HS3ST5: variants seen among roughly 807,000 people sequenced by gnomAD.
The protein encoded by HS3ST5 is heparan sulfate glucosamine 3-O-sulfotransferase 5.
In HS3ST5, 10 loss-of-function variants were observed where a neutral mutation model predicts 25.4. That is an observed-to-expected ratio of 0.39 (90% CI 0.24 to 0.67). HS3ST5 has a LOEUF of 0.67. Ranked by LOEUF, HS3ST5 falls within the 30% of genes least tolerant of loss-of-function variation. HS3ST5 has a pLI of 0.44. For missense variants in HS3ST5, 324 were observed against 420.7 expected (o/e 0.77, Z 2.01); for synonymous variants, 170 against 162.4 (o/e 1.05, Z -0.36).
intron 1 of HS3ST5, among the ~76,000 whole-genome samples, chr6:114,254,614 GTTTAATGGACTCAA>G (rs1173084580): frequency 2.6e-5 from 4 of 152,140 alleles, no homozygotes; most frequent in Non-Finnish European, 5.9e-5. Context: ...AGAAAAAGAG[GTTTAATGGACTCAA>G]TTTAATGGAC....
rs76510876 is a variant in HS3ST5 at position 114,188,087 on chromosome 6, C to T, written c.-144-19625G>A. Among the ~76,000 whole-genome samples, 529 of 152,258 alleles carry T rather than the reference C, an allele frequency of 3.5e-3. 2 individuals carry two copies. The highest frequency in any genetic ancestry group is 0.012 in the African/African-American group (506 of 41,540). On this transcript the variant is annotated intron_variant, in intron 2 of 4. Transcript: ENST00000312719. The stretch of plus-strand genomic sequence containing the variant: ...AAAAAATTCATGTGACTCACTTTAT[C>T]ATGGTGGTCTGCAACAGAACCTGCA...
intron 2 of HS3ST5, among the ~76,000 whole-genome samples, chr6:114,217,057 T>C (rs560149612): frequency 6.6e-6 from 1 of 152,308 alleles, no homozygotes; most frequent in South Asian, 2.1e-4. Context: ...ATGAACCGAA[T>C]CTCCTGCTTC....
chr6:114,063,243 G>A (rs1330415415), intron 3 of HS3ST5, among the ~76,000 whole-genome samples: 2 of 152,112 alleles, frequency 1.3e-5, no homozygotes, highest in South Asian at 2.1e-4. Flanking sequence ...GGCCGGGTAC[G>A]GTGGCTCAAG....
intron 3 of HS3ST5, among the ~76,000 whole-genome samples, chr6:114,130,432 T>A (rs954578653): frequency 6.6e-6 from 1 of 152,182 alleles, no homozygotes; most frequent in Admixed American, 6.5e-5. Context: ...ACCTATGCAA[T>A]TGCTAGTTTA....
intron 3 of HS3ST5, among the ~76,000 whole-genome samples, chr6:114,080,127 A>G (rs773344198): frequency 3.2e-4 from 48 of 152,172 alleles, no homozygotes; most frequent in Admixed American, 5.9e-4. Context: ...TTACTCCTTG[A>G]TCCATGTACT....
At chr6:114,320,893 G>A (rs867533827) in intron 1 of HS3ST5, among the ~76,000 whole-genome samples, 2 of 140,494 alleles carry the variant, frequency 1.4e-5, no homozygotes, top group African/African-American at 2.6e-5. Context: ...CATAGGAAGT[G>A]CTCTCTCTCT....
chr6:114,167,812 C>A (rs929110821), intron 3 of HS3ST5: 1 of 152,080 alleles, frequency 6.6e-6, no homozygotes, highest in Non-Finnish European at 1.5e-5. Context: ...AGGAGGTATA[C>A]AACAAGTTCT....
In HS3ST5 at chr6:114,242,218, T is replaced by C. The variant is rs181097508; in HGVS notation, c.-338-13440A>G. On this transcript the variant is annotated intron_variant, in intron 1 of 4. Transcript: ENST00000312719. Reference sequence around the variant, plus strand: ...TAATGTAAAGTCTGATTAATGACTTTTATATTGATTACATATTGAAATAAT... The same window carrying C: ...TAATGTAAAGTCTGATTAATGACTTCTATATTGATTACATATTGAAATAAT... 1.4e-3 allele frequency among the ~76,000 whole-genome samples: 209 copies of C among 152,324 alleles called. 3 individuals are homozygous for C. The highest frequency in any genetic ancestry group is 0.013 in the Admixed American group (194 of 15,304).
chr6:114,313,996 G>A (rs1775648165), intron 1 of HS3ST5, among the ~76,000 whole-genome samples: 1 of 152,160 alleles, frequency 6.6e-6, no homozygotes, highest in South Asian at 2.1e-4. Context: ...TGCAATGTCA[G>A]CTCACTGCAG....
intron 2 of HS3ST5, among the ~76,000 whole-genome samples, chr6:114,218,429 T>C (rs1490418550): frequency 6.6e-6 from 1 of 152,172 alleles, no homozygotes; most frequent in Non-Finnish European, 1.5e-5. Context: ...ATGACAAAGG[T>C]CTTTGATATT....
intron 1 of HS3ST5, among the ~76,000 whole-genome samples, chr6:114,320,979 G>C (rs1775949085): frequency 6.6e-6 from 1 of 150,598 alleles, no homozygotes; most frequent in South Asian, 2.1e-4. Flanking sequence ...GCCAAGGCTA[G>C]TCTCGAACTC....
chr6:114,179,788 T>C (rs4945514), intron 2 of HS3ST5, among the ~76,000 whole-genome samples: 35,136 of 151,328 alleles, frequency 0.23, 4,125 homozygotes, highest in East Asian at 0.25. Flanking sequence ...AGGAAGCCAG[T>C]AGTGGCTCAG....
At chr6:114,205,330 T>C (rs576144882) in intron 2 of HS3ST5, among the ~76,000 whole-genome samples, 8 of 152,130 alleles carry the variant, frequency 5.3e-5, no homozygotes, top group Admixed American at 2.0e-4. Flanking sequence ...AACACTACAC[T>C]GTACTTACAA....
rs537896729 is a variant in HS3ST5, at chr6:114,058,011, A to T, written c.287T>A (p.Ile96Asn). 1.2e-6 allele frequency: 2 copies of T among 1,614,158 alleles called. No individual in the cohort carries two copies. The highest frequency in any genetic ancestry group is 1.7e-6 in the Non-Finnish European group (2 of 1,180,022). Residue 96 changes from isoleucine to asparagine, a missense_variant, in exon 5 of 5, where the codon ATT becomes AAT. By Grantham distance (149) the Ile-to-Asn change is moderately radical (BLOSUM62 -3). Coordinates refer to ENST00000312719, the MANE Select transcript of HS3ST5 (RefSeq NM_153612.4). ...LVQQLPKAII[I>N]GVRKGGTRAL... ...CCTTGTGCCTCCTTTCCTCACCCCA[A>T]TGATAATGGCCTTGGGGAGCTGCTG...
chr6:114,251,992 A>G (rs1246157982), intron 1 of HS3ST5: 1 of 152,218 alleles, frequency 6.6e-6, no homozygotes, highest in East Asian at 1.9e-4. Context: ...CCCAGCACCT[A>G]GGAGGGTACC....
intron 1 of HS3ST5, among the ~76,000 whole-genome samples, chr6:114,339,463 T>C (rs1054436245): frequency 6.6e-6 from 1 of 150,560 alleles, no homozygotes; most frequent in Non-Finnish European, 1.5e-5. Flanking sequence ...TTCATTTATA[T>C]ATAATTGCTT....
intron 3 of HS3ST5, among the ~76,000 whole-genome samples, chr6:114,155,178 ATATTG>A (rs1351316181): frequency 3.3e-5 from 5 of 152,220 alleles, no homozygotes; most frequent in Admixed American, 2.6e-4. Context: ...TACTTCTTAC[ATATTG>A]TATTTTATTA....
chr6:114,340,018 A>G (rs1197810920), intron 1 of HS3ST5, among the ~76,000 whole-genome samples: 2 of 152,314 alleles, frequency 1.3e-5, no homozygotes, highest in East Asian at 1.9e-4. Flanking sequence ...TCAACTTTGC[A>G]TATTGTGTGT....
chr6:114,311,433 TACAA>T (rs1775526087), intron 1 of HS3ST5, among the ~76,000 whole-genome samples: 2 of 152,210 alleles, frequency 1.3e-5, no homozygotes, highest in African/African-American at 2.4e-5. Context: ...TCTCAACTTT[TACAA>T]ACAAACATAT....
Sources: gnomAD v4.1 joint callset for allele counts (sites outside exome capture counted in the v4.1 genomes callset) on GRCh38, gnomAD v4.1.1 for gene constraint, MANE v1.5 for transcripts, NCBI Gene and HGNC (gene_info 2026-07-23, HGNC 2026-07-21) for gene names.